Variants in RASAL2 observed in about 807,000 individuals in gnomAD.
RASAL2 encodes ras GTPase-activating protein nGAP.
Under a neutral mutation model 128.9 loss-of-function variants are expected in RASAL2, and 58 were observed. The ratio of observed to expected loss-of-function variants is 0.45; its 90% CI spans 0.36 to 0.56. The LOEUF (loss-of-function observed/expected upper bound fraction) is 0.56, where lower values mean the gene tolerates loss of function less well. Ranked by LOEUF, RASAL2 falls within the 20% of genes least tolerant of loss-of-function variation. RASAL2 has a pLI of 0.00. For synonymous variants in RASAL2, 561 were observed against 580.8 expected (o/e 0.97, Z 0.49); for missense variants, 1,360 against 1,601.6 (o/e 0.85, Z 2.57).
chr1:178,362,256 T>G (rs1334011372), intron 3 of RASAL2, among the ~76,000 whole-genome samples: 1 of 152,184 alleles, frequency 6.6e-6, no homozygotes, highest in Non-Finnish European at 1.5e-5. Context: ...GTGCCCTCTT[T>G]TATCAGGGAT....
chr1:178,274,749 G>C (rs1666414795), intron 1 of RASAL2, among the ~76,000 whole-genome samples: 1 of 151,950 alleles, frequency 6.6e-6, no homozygotes, highest in African/African-American at 2.4e-5. Context: ...CACCACACCT[G>C]GCTGATTTTT....
chr1:178,128,952 C>A (rs1320152062), intron 1 of RASAL2, among the ~76,000 whole-genome samples: 1 of 151,948 alleles, frequency 6.6e-6, no homozygotes, highest in African/African-American at 2.4e-5. Flanking sequence ...AGTAGATGGA[C>A]ATTTGGGTTG....
chr1:178,144,530 C>G (rs912781434), intron 1 of RASAL2, among the ~76,000 whole-genome samples: 1 of 152,112 alleles, frequency 6.6e-6, no homozygotes, highest in Admixed American at 6.6e-5. Context: ...GTGCTTGACA[C>G]GTAGTTGGTA....
intron 1 of RASAL2, chr1:178,125,421 G>C (rs934753538): frequency 5.6e-4 from 85 of 152,144 alleles, no homozygotes; most frequent in African/African-American, 1.9e-3. Context: ...CTGAGGCTGG[G>C]TAATTTATAA....
intron 1 of RASAL2, among the ~76,000 whole-genome samples, chr1:178,216,175 C>T (rs1005959507): frequency 6.6e-6 from 1 of 152,166 alleles, no homozygotes; most frequent in African/African-American, 2.4e-5. Flanking sequence ...AACATCTCAT[C>T]ATCAAACTCA....
intron 12 of RASAL2, among the ~76,000 whole-genome samples, chr1:178,455,175 T>C (rs181557418): frequency 1.5e-3 from 222 of 152,282 alleles, no homozygotes; most frequent in African/African-American, 5.2e-3. Flanking sequence ...AGAAAGCAAT[T>C]ATTTTTAATC....
intron 3 of RASAL2, among the ~76,000 whole-genome samples, chr1:178,314,520 A>G (rs1185813062): frequency 1.3e-5 from 2 of 152,204 alleles, no homozygotes; most frequent in African/African-American, 2.4e-5. Context: ...TCAAACTGTC[A>G]TTTTATGAAT....
intron 1 of RASAL2, among the ~76,000 whole-genome samples, chr1:178,256,970 G>A (rs72705100): frequency 0.1 from 15,784 of 151,984 alleles, 1,059 homozygotes; most frequent in East Asian, 0.18. Context: ...CACTGCGCCT[G>A]GCCCAATGGT....
Position 178,442,969 on chromosome 1 carries a change from C to T in RASAL2, c.1222C>T (p.Arg408Cys), listed in dbSNP as rs377676278. The T allele has an allele frequency of 1.5e-5, 24 of 1,613,874 alleles. No individual in the cohort carries two copies. The highest frequency in any genetic ancestry group is 6.6e-5 in the South Asian group (6 of 91,076). ...CATCCCCACTGCCAGTGTGACTGGT[C>T]GCCAATTTGTAGAAAAGTGGTATCC... ...VNIPTASVTGRQFVEKWYPVS... is the reference protein window; with the variant it reads ...VNIPTASVTGCQFVEKWYPVS... Residue 408 changes from arginine to cysteine, a missense_variant, in exon 8 of 18, where the codon CGC becomes TGC. Physicochemically the swap from Arg to Cys is radical, Grantham distance 180. Coordinates refer to ENST00000367649, the MANE Select transcript of RASAL2 (RefSeq NM_170692.4).
intron 1 of RASAL2, among the ~76,000 whole-genome samples, chr1:178,128,236 C>T (rs781113943): frequency 5.3e-5 from 8 of 152,034 alleles, no homozygotes; most frequent in Non-Finnish European, 1.0e-4. Context: ...AATGCTTATG[C>T]ATTTTGTGAA....
At chr1:178,359,391 A>G (rs55799904) in intron 3 of RASAL2, among the ~76,000 whole-genome samples, 1 of 152,336 alleles carries the variant, frequency 6.6e-6, no homozygotes, top group East Asian at 1.9e-4. Flanking sequence ...CCCAAGTCAC[A>G]AAAGTAAAGC....
At chr1:178,192,815 C>G (rs981894111) in intron 1 of RASAL2, among the ~76,000 whole-genome samples, 1 of 152,064 alleles carries the variant, frequency 6.6e-6, no homozygotes, top group African/African-American at 2.4e-5. Flanking sequence ...ATTCTGTCTC[C>G]AAGGCACTGG....
intron 1 of RASAL2, among the ~76,000 whole-genome samples, chr1:178,251,738 A>G (rs992739665): frequency 1.5e-4 from 23 of 152,222 alleles, no homozygotes; most frequent in African/African-American, 5.5e-4. Flanking sequence ...ACATTAAAAA[A>G]GTAAAACAGT....
Position 178,411,209 on chromosome 1 carries a change from T to C in RASAL2, c.565-9302T>C, listed in dbSNP as rs1674361331. ...ACACACACACCCCATGGAATACTACTCAGTCACAAACAAAAAGGAACGAAA... is the reference window on the plus strand; with the variant it reads ...ACACACACACCCCATGGAATACTACCCAGTCACAAACAAAAAGGAACGAAA... On this transcript the variant is annotated intron_variant, in intron 4 of 17. Transcript: ENST00000367649. 2.0e-5 allele frequency among the ~76,000 whole-genome samples: 3 copies of C among 151,456 alleles called. No individual in the cohort carries two copies. In the South Asian group the frequency reaches 6.3e-4, roughly 32 times the overall value.
intron 3 of RASAL2, among the ~76,000 whole-genome samples, chr1:178,333,172 G>A (rs1669420423): frequency 6.6e-6 from 1 of 152,074 alleles, no homozygotes; most frequent in Non-Finnish European, 1.5e-5. Context: ...GGGACTACAG[G>A]CGCCCGCCAC....
At chr1:178,254,554 A>G (rs1051772557) in intron 1 of RASAL2, among the ~76,000 whole-genome samples, 9 of 152,210 alleles carry the variant, frequency 5.9e-5, no homozygotes, top group Admixed American at 5.2e-4. Context: ...TTAGAAAAAT[A>G]TGCTAAGAAA....
chr1:178,202,800 C>T (rs540046897), intron 1 of RASAL2, among the ~76,000 whole-genome samples: 12 of 152,278 alleles, frequency 7.9e-5, no homozygotes, highest in East Asian at 7.7e-4. Flanking sequence ...TGGGATGACT[C>T]GTTCTGTATG....
Position 178,111,728 on chromosome 1 carries a change from A to T in RASAL2, c.202+17034A>T, listed in dbSNP as rs553520345. ...TAGTAAAATGTTCAATCTTTTGTCT[A>T]TTTTATTTTATTTTGTTTTAAGATG... On this transcript the variant is annotated intron_variant, in intron 1 of 17. Transcript: ENST00000367649. 3.4e-4 allele frequency among the ~76,000 whole-genome samples: 51 copies of T among 151,980 alleles called. 1 individual carries two copies. The South Asian group carries it at 5.8e-3, about 17-fold the overall frequency.
chr1:178,414,644 T>C (rs1674636476), intron 4 of RASAL2, among the ~76,000 whole-genome samples: 1 of 152,198 alleles, frequency 6.6e-6, no homozygotes. Context: ...TCTCTGCTTC[T>C]ATCTTCTATC....
Sources: allele counts gnomAD v4.1 joint callset (sites outside exome capture counted in the v4.1 genomes callset), GRCh38; gene constraint gnomAD v4.1.1; transcripts MANE v1.5; gene names NCBI Gene and HGNC (gene_info 2026-07-23, HGNC 2026-07-21).